The following OR1I1 variants were observed in gnomAD, a reference collection of about 807,000 sequenced individuals.
The protein encoded by OR1I1 is olfactory receptor 1I1.
For missense variants in OR1I1, 451 were observed against 443.6 expected (o/e 1.02, Z -0.15); for synonymous variants, 171 against 181.4 (o/e 0.94, Z 0.46).
rs770354836 is a variant in OR1I1 at position 15,087,967 on chromosome 19, T to C, written c.902T>C (p.Leu301Pro). 1 of 1,614,186 alleles carries C rather than the reference T, an allele frequency of 6.2e-7. No homozygotes were observed. The highest frequency in any genetic ancestry group is 1.1e-5 in the South Asian group (1 of 91,080). The change falls in exon 2 of 2, where the codon CTG (leucine) becomes CCG (proline). Residue 301 changes from leucine to proline, a missense_variant. Leu to Pro is a moderately conservative substitution (Grantham distance 98). Coordinates refer to ENST00000641398, the MANE Select transcript of OR1I1 (RefSeq NM_001004713.2). The part of the protein sequence containing the change: ...SIRNKDMKAA[L>P]GKLIGKVAVP... ...CGGAACAAGGATATGAAGGCAGCCC[T>C]GGGGAAGCTCATCGGCAAAGTGGCC...
rs569256584 is a variant in OR1I1 at position 15,088,177 on chromosome 19, C to A, written c.*44C>A. ...GATAAATGTGTCATAAAGAGATGAA[C>A]AAAGTGTATGAGCACCCAAAGGAAA... On this transcript the variant is annotated 3_prime_UTR_variant, in exon 2 of 2. Coordinates refer to ENST00000641398, the MANE Select transcript of OR1I1 (RefSeq NM_001004713.2). 2.7e-6 allele frequency: 4 copies of A among 1,499,352 alleles called. No homozygotes were observed. The highest frequency in any genetic ancestry group is 2.5e-5 in the East Asian group (1 of 40,460). 92.9% of individuals were successfully genotyped at this position (1,499,352 alleles called of 1,614,324 possible). A position where few individuals can be genotyped will look rare whatever the true frequency, so the allele number is the denominator to read the frequency against.
rs1375534164 is a variant in OR1I1, at chr19:15,090,684, C to T, written c.*2551C>T. On this transcript the variant is annotated 3_prime_UTR_variant, in exon 2 of 2. Transcript: ENST00000641398. ...AGCTAAAGTGCAACCTCACCTCAAACTCCTGGGCTCAAGCAATCCTCCTGC... is the reference window on the plus strand; with the variant it reads ...AGCTAAAGTGCAACCTCACCTCAAATTCCTGGGCTCAAGCAATCCTCCTGC... 6.6e-6 allele frequency: 1 copy of T among 152,350 alleles called. No individual in the cohort carries two copies. The highest frequency in any genetic ancestry group is 1.5e-5 in the Non-Finnish European group (1 of 68,216). 9.4% of individuals were successfully genotyped at this position (152,350 alleles called of 1,614,324 possible).
Position 15,085,153 on chromosome 19 carries a change from TATATATATATATATATATA to T in OR1I1, c.-13-1899_-13-1881del, listed in dbSNP as rs1424209987. Among the ~76,000 whole-genome samples the T allele has an allele frequency of 5.8e-3, 313 of 54,074 alleles. 17 individuals are homozygous for T. The highest frequency in any genetic ancestry group is 0.014 in the South Asian group (18 of 1,264). The allele number at this position is 54,074 out of a possible 152,430, so 35.5% of individuals were successfully genotyped here. ...ACTTATATATATATATATATATATA[TATATATATATATATATATA>T]TATATTTTTTTTTTTGAGACAGAGT... On this transcript the variant is annotated intron_variant, in intron 1 of 1. Coordinates refer to ENST00000641398, the MANE Select transcript of OR1I1 (RefSeq NM_001004713.2).
chr19:15,087,176 C>T lies in OR1I1; in HGVS notation c.111C>T (p.Val37=). Residue 37 remains valine (V), a synonymous_variant, in exon 2 of 2, where the codon GTC becomes GTT. Transcript: ENST00000641398. ...LFTMFLSTYL[V]TIIGNALIIL... is the part of the protein sequence containing the mutation. ...CAATGTTCCTCTCCACATACCTGGT[C>T]ACCATCATTGGAAATGCCCTCATTA... is the stretch of plus-strand genomic sequence containing the variant. 6.2e-7 allele frequency: 1 copy of T among 1,614,096 alleles called. No individual in the cohort carries two copies. Among genetic ancestry groups the T allele is most frequent in the South Asian group, 1.1e-5 (1 of 91,072 alleles).
At chr19:15,084,353 T>C (rs1347236198) in intron 1 of OR1I1, among the ~76,000 whole-genome samples, 2 of 151,226 alleles carry the variant, frequency 1.3e-5, no homozygotes, top group Non-Finnish European at 2.9e-5. Flanking sequence ...AGGTCAGGAG[T>C]TCAAGACCAG....
rs1479425628 is a variant in OR1I1 at position 15,091,606 on chromosome 19, C to A, written c.*3473C>A. The A allele has an allele frequency of 2.6e-5, 4 of 152,008 alleles. No homozygotes were observed. The highest frequency in any genetic ancestry group is 5.9e-5 in the Non-Finnish European group (4 of 68,100). 9.4% of individuals were successfully genotyped at this position (152,008 alleles called of 1,614,324 possible). A position where few individuals can be genotyped will look rare whatever the true frequency, so the allele number is the denominator to read the frequency against. On this transcript the variant is annotated 3_prime_UTR_variant, in exon 2 of 2. Transcript: ENST00000641398. Reference sequence around the variant, plus strand: ...CCCGGGAGGCGGAGCTTGCAGTGAGCCAAGGCCACGCCACTGCACCCCAGC... The same window carrying A: ...CCCGGGAGGCGGAGCTTGCAGTGAGACAAGGCCACGCCACTGCACCCCAGC...
In OR1I1 at chr19:15,091,696, G is replaced by A; in HGVS notation, c.*3563G>A. The A allele has an allele frequency of 6.6e-6, 1 of 151,378 alleles. No individual in the cohort carries two copies. The highest frequency in any genetic ancestry group is 6.6e-5 in the Admixed American group (1 of 15,146). 9.4% of individuals were successfully genotyped at this position (151,378 alleles called of 1,614,324 possible). ...AATACAAAACTTAGCCAGGCGTGGT[G>A]GCCCACACCTGTAGTCCCAGCTACT... On this transcript the variant is annotated 3_prime_UTR_variant, in exon 2 of 2. Transcript: ENST00000641398.
rs2046212205 is a variant in OR1I1, at chr19:15,082,251, C to T, written c.-39C>T. ...TACACATATGAATCCTTCCCATAGA[C>T]ATCAGGCTAACCCCAGCGATCACAG... is the stretch of plus-strand genomic sequence containing the variant. On this transcript the variant is annotated 5_prime_UTR_variant, in exon 1 of 2. Coordinates refer to ENST00000641398, the MANE Select transcript of OR1I1 (RefSeq NM_001004713.2). 1.3e-5 allele frequency: 2 copies of T among 152,240 alleles called. No homozygotes were observed. The highest frequency in any genetic ancestry group is 4.8e-5 in the African/African-American group (2 of 41,376). The allele number at this position is 152,240 out of a possible 1,614,324, so 9.4% of individuals were successfully genotyped here. A position where few individuals can be genotyped will look rare whatever the true frequency, so the allele number is the denominator to read the frequency against.
At chr19:15,085,133 TATATATATATATATATATATATATA>T (rs1568321791) in intron 1 of OR1I1, among the ~76,000 whole-genome samples, 6 of 11,140 alleles carry the variant, frequency 5.4e-4, no homozygotes, top group East Asian at 2.6e-3. Flanking sequence ...TTTTGACTTA[TATATATATATATATATATATATATA>T]TATATATATA....
Position 15,087,829 on chromosome 19 carries a change from T to C in OR1I1, c.764T>C (p.Ile255Thr). Residue 255 changes from isoleucine to threonine, a missense_variant, in exon 2 of 2, where the codon ATC becomes ACC. Physicochemically the swap from Ile to Thr is moderately conservative, Grantham distance 89. Transcript: ENST00000641398. The part of the protein sequence containing the change: ...LTVVSLSYGT[I>T]FAVYLQPTSP... ...GTGGTGTCACTGTCCTATGGGACCATCTTTGCTGTGTACTTACAGCCCACA... is the reference window on the plus strand; with the variant it reads ...GTGGTGTCACTGTCCTATGGGACCACCTTTGCTGTGTACTTACAGCCCACA... 3 of 1,614,210 alleles carry C rather than the reference T, an allele frequency of 1.9e-6. No individual in the cohort carries two copies. The highest frequency in any genetic ancestry group is 2.5e-6 in the Non-Finnish European group (3 of 1,180,028).
intron 1 of OR1I1, among the ~76,000 whole-genome samples, chr19:15,085,620 T>C (rs1020874587): frequency 5.5e-4 from 83 of 152,222 alleles, no homozygotes; most frequent in Non-Finnish European, 2.9e-4. Context: ...TGCTGTACAA[T>C]AGATCTCTTG....
rs2046225290 is a variant in OR1I1, at chr19:15,085,173, T to TGG, written c.-13-1880_-13-1879insGG. Among the ~76,000 whole-genome samples, 2 of 41,670 alleles carry TGG rather than the reference T, an allele frequency of 4.8e-5. 1 individual carries two copies. The highest frequency in any genetic ancestry group is 1.0e-4 in the Non-Finnish European group (2 of 19,254). The allele number at this position is 41,670 out of a possible 152,430, so 27.3% of individuals were successfully genotyped here. On this transcript the variant is annotated intron_variant, in intron 1 of 1. Transcript: ENST00000641398. ...ATATATATATATATATATATATATA[T>TGG]ATATTTTTTTTTTTGAGACAGAGTT...
chr19:15,089,083 G>T lies in OR1I1; in HGVS notation c.*950G>T, dbSNP rs1037488873. On this transcript the variant is annotated 3_prime_UTR_variant, in exon 2 of 2. Coordinates refer to ENST00000641398, the MANE Select transcript of OR1I1 (RefSeq NM_001004713.2). ...TAGAGATAGAGGAGGTAGGTAGATAGATAGATAGATAGATAGGTAGATACA... is the reference window on the plus strand; with the variant it reads ...TAGAGATAGAGGAGGTAGGTAGATATATAGATAGATAGATAGGTAGATACA... 5 of 150,638 alleles carry T rather than the reference G, an allele frequency of 3.3e-5. No individual in the cohort carries two copies. Among genetic ancestry groups the T allele is most frequent in the Admixed American group, 1.3e-4 (2 of 15,166 alleles). The allele number at this position is 150,638 out of a possible 1,614,324, so 9.3% of individuals were successfully genotyped here.
intron 1 of OR1I1, among the ~76,000 whole-genome samples, chr19:15,085,167 TATA>T (rs1412743966): frequency 0.021 from 854 of 41,552 alleles, 89 homozygotes; most frequent in Non-Finnish European, 0.029. Flanking sequence ...TATATATATA[TATA>T]TATATATTTT....
rs749403697 is a variant in OR1I1, at chr19:15,087,839, G to A, written c.774G>A (p.Val258=). The change falls in exon 2 of 2, where the codon GTG becomes GTA. Residue 258 remains valine (V), a synonymous_variant. Coordinates refer to ENST00000641398, the MANE Select transcript of OR1I1 (RefSeq NM_001004713.2). Reference sequence around the variant, plus strand: ...TGTCCTATGGGACCATCTTTGCTGTGTACTTACAGCCCACATCCCCCAGCT... The same window carrying A: ...TGTCCTATGGGACCATCTTTGCTGTATACTTACAGCCCACATCCCCCAGCT... ...VSLSYGTIFA[V]YLQPTSPSSS... is the part of the protein sequence containing the mutation. 38 of 1,614,082 alleles carry A rather than the reference G, an allele frequency of 2.4e-5. No homozygotes were observed. Among genetic ancestry groups the A allele is most frequent in the Non-Finnish European group, 3.1e-5 (37 of 1,180,050 alleles).
rs1320149520 is a variant in OR1I1 at position 15,087,889 on chromosome 19, C to T, written c.824C>T (p.Ala275Val). 2 of 1,614,210 alleles carry T rather than the reference C, an allele frequency of 1.2e-6. No individual in the cohort carries two copies. The highest frequency in any genetic ancestry group is 3.3e-5 in the Admixed American group (2 of 60,012). ...TCCTCCCAGAAGGACAAGGCAGCCG[C>T]CCTAATGTGTGGGGTGTTCATCCCC... ...PSSSQKDKAA[A>V]LMCGVFIPML... is the part of the protein sequence containing the mutation. The change falls in exon 2 of 2, where the codon GCC becomes GTC. Residue 275 changes from alanine (A) to valine (V), a missense_variant. By Grantham distance (64) the Ala-to-Val change is moderately conservative. Coordinates refer to ENST00000641398, the MANE Select transcript of OR1I1 (RefSeq NM_001004713.2).
intron 1 of OR1I1, among the ~76,000 whole-genome samples, chr19:15,085,172 A>T (rs937366381): frequency 0.52 from 15,406 of 29,620 alleles, 2,759 homozygotes; most frequent in Middle Eastern, 0.6. Context: ...ATATATATAT[A>T]TATATTTTTT....
chr19:15,086,187 G>C (rs187814365), intron 1 of OR1I1, among the ~76,000 whole-genome samples: 11 of 152,132 alleles, frequency 7.2e-5, no homozygotes, highest in Non-Finnish European at 1.3e-4. Flanking sequence ...GGTGGTGCGT[G>C]CCTGTAATCC....
At position 15,087,740 on chromosome 19, in the gene OR1I1, C is replaced by T. The variant is rs16980310; in HGVS notation, c.675C>T (p.Val225=). The T allele has an allele frequency of 1.4e-3, 2,224 of 1,614,230 alleles. 41 individuals carry two copies. In the African/African-American group the frequency reaches 0.026, roughly 19 times the overall value. ...LLSYIRIFWT[V]FKIPSTRGKW... ...CGTACATCCGCATTTTCTGGACAGT[C>T]TTTAAGATCCCTTCTACTCGGGGCA... The change falls in exon 2 of 2, where the codon GTC becomes GTT. Residue 225 remains valine, a synonymous_variant. Transcript: ENST00000641398.
Sources: allele counts gnomAD v4.1 joint callset (sites outside exome capture counted in the v4.1 genomes callset), GRCh38; gene constraint gnomAD v4.1.1; transcripts MANE v1.5; gene names NCBI Gene and HGNC (gene_info 2026-07-23, HGNC 2026-07-21).